The following IQCM variants were observed in gnomAD, a reference collection of about 807,000 sequenced individuals.
IQCM encodes the protein IQ domain-containing protein M.
IQCM carries 45 observed loss-of-function variants against 57.6 expected under a neutral mutation model. The ratio of observed to expected loss-of-function variants is 0.78; its 90% CI spans 0.62 to 1.00. The LOEUF (loss-of-function observed/expected upper bound fraction) is 1.00. IQCM is among the 50% of genes least tolerant of loss of function. IQCM has a pLI of 0.00. For synonymous variants in IQCM, 148 were observed against 158.9 expected, an observed-to-expected ratio of 0.93 and a Z score of 0.51; for missense variants, 468 against 511.6, an observed-to-expected ratio of 0.91 and a Z score of 0.82.
intron 11 of IQCM, among the ~76,000 whole-genome samples, chr4:149,552,485 T>C (rs1749136210): frequency 6.6e-6 from 1 of 152,168 alleles, no homozygotes; most frequent in Non-Finnish European, 1.5e-5. Context: ...TAAATATAAA[T>C]TGAGATCTCT....
At position 149,733,252 on chromosome 4, in the gene IQCM, A is replaced by G. The variant is rs1038659300; in HGVS notation, c.377T>C (p.Ile126Thr). The G allele has an allele frequency of 1.1e-5, 13 of 1,231,582 alleles. No homozygotes were observed. Among genetic ancestry groups the G allele is most frequent in the Non-Finnish European group, 1.3e-5 (13 of 987,660 alleles). The allele number at this position is 1,231,582 out of a possible 1,614,324, so 76.3% of individuals were successfully genotyped here. A position where few individuals can be genotyped will look rare whatever the true frequency, so the allele number is the denominator to read the frequency against. ...CTCCACCAAAAACTTACCTTTTGTAATTAGATCTATGGGCCTGCATCTTTC... is the reference window on the plus strand; with the variant it reads ...CTCCACCAAAAACTTACCTTTTGTAGTTAGATCTATGGGCCTGCATCTTTC... ...RRERCRPIDL[I>T]TKGQVKLDKI... Residue 126 changes from isoleucine (I) to threonine (T), a missense_variant, in exon 5 of 14, where the codon ATT becomes ACT. Transcript: ENST00000636793.
chr4:149,719,636 T>G (rs1765281703), intron 5 of IQCM, among the ~76,000 whole-genome samples: 1 of 152,224 alleles, frequency 6.6e-6, no homozygotes, highest in South Asian at 2.1e-4. Context: ...TTCATCTCCC[T>G]CCACCATTCA....
chr4:149,687,641 T>C (rs192796392), intron 5 of IQCM, among the ~76,000 whole-genome samples: 22 of 151,590 alleles, frequency 1.5e-4, no homozygotes, highest in Non-Finnish European at 1.0e-4. Flanking sequence ...GGAAAGGACA[T>C]AACTAAAAAG....
chr4:149,468,805 T>C (rs1739166678), intron 12 of IQCM, among the ~76,000 whole-genome samples: 3 of 152,134 alleles, frequency 2.0e-5, no homozygotes, highest in Non-Finnish European at 4.4e-5. Flanking sequence ...GCAGCAACAT[T>C]TGCTGTTCTG....
rs978998915 is a variant in IQCM, at chr4:149,732,930, C to T, written c.385+314G>A. Reference sequence around the variant, plus strand: ...GCTCAAAAACAGAATTCAGGGCTATCGTCCATGGCTGCTTTAGCATCTGTG... The same window carrying T: ...GCTCAAAAACAGAATTCAGGGCTATTGTCCATGGCTGCTTTAGCATCTGTG... On this transcript the variant is annotated intron_variant, in intron 5 of 13. Transcript: ENST00000636793. Among the ~76,000 whole-genome samples, 5 of 152,148 alleles carry T rather than the reference C, an allele frequency of 3.3e-5. No individual in the cohort carries two copies. In the East Asian group the frequency reaches 7.7e-4, roughly 23 times the overall value.
chr4:149,666,003 C>T (rs1760689776), intron 7 of IQCM: 1 of 152,186 alleles, frequency 6.6e-6, no homozygotes, highest in Non-Finnish European at 1.5e-5. Flanking sequence ...AGACAGAAGG[C>T]CGCACTGTTG....
intron 13 of IQCM, among the ~76,000 whole-genome samples, chr4:149,368,844 A>G (rs1314681622): frequency 9.5e-5 from 7 of 73,628 alleles, no homozygotes; most frequent in African/African-American, 1.2e-4. Flanking sequence ...ATATATATAC[A>G]TATATATACA....
At chr4:149,570,827 A>G (rs1436208937) in intron 9 of IQCM, among the ~76,000 whole-genome samples, 1 of 152,120 alleles carries the variant, frequency 6.6e-6, no homozygotes, top group Admixed American at 6.6e-5. Context: ...TTGCTAGAAC[A>G]TGGGCAGAGC....
intron 12 of IQCM, among the ~76,000 whole-genome samples, chr4:149,546,444 A>G (rs746509542): frequency 1.1e-4 from 16 of 152,176 alleles, no homozygotes; most frequent in Non-Finnish European, 1.9e-4. Flanking sequence ...CAACAGTGTA[A>G]AAGTGTTACT....
chr4:149,523,857 A>G lies in IQCM; in HGVS notation c.1228+24598T>C, dbSNP rs190966154. Among the ~76,000 whole-genome samples the G allele has an allele frequency of 1.8e-3, 280 of 152,278 alleles. 2 individuals carry two copies. The highest frequency in any genetic ancestry group is 7.8e-4 in the Non-Finnish European group (53 of 68,012). ...AATGATCTTCAAGTAAAAATAATTA[A>G]CTTTCTCTGCAAAACCAAAGGAAAA... On this transcript the variant is annotated intron_variant, in intron 12 of 13. Coordinates refer to ENST00000636793, the MANE Select transcript of IQCM (RefSeq NM_001363507.2).
At chr4:149,554,320 A>T (rs1179002399) in intron 10 of IQCM, among the ~76,000 whole-genome samples, 1 of 152,080 alleles carries the variant, frequency 6.6e-6, no homozygotes, top group Non-Finnish European at 1.5e-5. Flanking sequence ...TGTACTCTAC[A>T]TTCCTTTTAA....
intron 12 of IQCM, among the ~76,000 whole-genome samples, chr4:149,456,921 G>A (rs774678618): frequency 5.9e-5 from 9 of 152,082 alleles, no homozygotes; most frequent in East Asian, 3.9e-4. Flanking sequence ...ATGTAGCCCA[G>A]TGGTGTCCCA....
chr4:149,722,562 T>C (rs1475691159), intron 5 of IQCM, among the ~76,000 whole-genome samples: 3 of 152,094 alleles, frequency 2.0e-5, no homozygotes, highest in Admixed American at 2.0e-4. Context: ...CTCCAGTGTA[T>C]GCTTTCATCT....
intron 13 of IQCM, among the ~76,000 whole-genome samples, chr4:149,404,705 C>T (rs576237614): frequency 3.3e-5 from 5 of 151,904 alleles, no homozygotes; most frequent in Admixed American, 1.3e-4. Flanking sequence ...GATAGGACAG[C>T]GTTTGGAGTC....
chr4:149,488,170 A>T (rs965364803), intron 12 of IQCM, among the ~76,000 whole-genome samples: 2 of 152,140 alleles, frequency 1.3e-5, no homozygotes, highest in Admixed American at 1.3e-4. Context: ...TATGCTGTTA[A>T]GGATTTCAAT....
chr4:149,471,774 C>T (rs551270555), intron 12 of IQCM, among the ~76,000 whole-genome samples: 47 of 152,194 alleles, frequency 3.1e-4, no homozygotes, highest in East Asian at 9.7e-4. Context: ...TTATCCACCA[C>T]GATCAAGTTG....
chr4:149,730,108 A>G (rs1561208608), intron 5 of IQCM, among the ~76,000 whole-genome samples: 1 of 152,196 alleles, frequency 6.6e-6, no homozygotes, highest in Non-Finnish European at 1.5e-5. Context: ...ATTATATAAG[A>G]TGCATCTCCA....
intron 5 of IQCM, among the ~76,000 whole-genome samples, chr4:149,732,508 T>C (rs1766551568): frequency 6.6e-6 from 1 of 152,196 alleles, no homozygotes; most frequent in Non-Finnish European, 1.5e-5. Context: ...ACCCTGTGTT[T>C]ATCCTCACCA....
At chr4:149,438,253 C>A (rs1416537803) in intron 12 of IQCM, among the ~76,000 whole-genome samples, 1 of 151,684 alleles carries the variant, frequency 6.6e-6, no homozygotes, top group Non-Finnish European at 1.5e-5. Flanking sequence ...CTAATACAGG[C>A]TAAAAACAAT....
Sources: gnomAD v4.1 joint callset for allele counts (sites outside exome capture counted in the v4.1 genomes callset) on GRCh38, gnomAD v4.1.1 for gene constraint, MANE v1.5 for transcripts, NCBI Gene and HGNC (gene_info 2026-07-23, HGNC 2026-07-21) for gene names.